CTNNA3: variants seen among roughly 807,000 people sequenced by gnomAD.
CTNNA3 encodes the protein catenin alpha 3, also known as catenin alpha-3.
A neutral mutation model predicts 95.7 loss-of-function variants in CTNNA3; 76 were observed. That is an observed-to-expected ratio of 0.79 (90% CI 0.66 to 0.96). The LOEUF is 0.96. Ranked by LOEUF, CTNNA3 falls within the 40% of genes least tolerant of loss-of-function variation. The probability of loss-of-function intolerance (pLI) is 0.00; values close to 1 mark genes in which losing one functional copy is unlikely to be tolerated. For synonymous variants in CTNNA3, 431 were observed against 374.4 expected, an observed-to-expected ratio of 1.15 and a Z score of -1.74; for missense variants, 1,191 against 1,089.8, an observed-to-expected ratio of 1.09 and a Z score of -1.31.
chr10:67,708,503 T>C (rs1312619692), intron 1 of CTNNA3, among the ~76,000 whole-genome samples: 1 of 152,186 alleles, frequency 6.6e-6, no homozygotes, highest in Non-Finnish European at 1.5e-5. Context: ...TTTACTGTCA[T>C]TGAACCTTCT....
At chr10:65,944,579 G>A (rs865872368) in intron 17 of CTNNA3, among the ~76,000 whole-genome samples, 11 of 152,152 alleles carry the variant, frequency 7.2e-5, no homozygotes, top group Non-Finnish European at 1.2e-4. Context: ...GCCGCATCCC[G>A]TGTACATTGT....
intron 9 of CTNNA3, among the ~76,000 whole-genome samples, chr10:66,708,909 C>A (rs1422995503): frequency 2.6e-5 from 4 of 152,008 alleles, no homozygotes; most frequent in African/African-American, 4.8e-5. Context: ...GAAATATCAA[C>A]CGTTTTTTCT....
At chr10:66,114,757 T>A (rs11818571) in intron 13 of CTNNA3, among the ~76,000 whole-genome samples, 15,325 of 151,396 alleles carry the variant, frequency 0.1, 996 homozygotes, top group African/African-American at 0.18. Flanking sequence ...CACGTGCCTG[T>A]AATCCCAGCT....
At chr10:67,742,877 T>C (rs1485349837) in intron 1 of CTNNA3, among the ~76,000 whole-genome samples, 1 of 151,282 alleles carries the variant, frequency 6.6e-6, no homozygotes, top group African/African-American at 2.4e-5. Flanking sequence ...TAAACACCTC[T>C]ACACAAATAA....
rs1255219895 is a variant in CTNNA3 at position 67,745,178 on chromosome 10, C to A, written c.-2+18256G>T. On this transcript the variant is annotated intron_variant, in intron 1 of 17. Coordinates refer to the CTNNA3 transcript ENST00000684154. ...TACTGGGTATATACCCAAAGGATTA[C>A]AAATCATGCTGCTATAAAGACACAT... is the stretch of plus-strand genomic sequence containing the variant. Among the ~76,000 whole-genome samples, 5 of 151,970 alleles carry A rather than the reference C, an allele frequency of 3.3e-5. No homozygotes were observed. The South Asian group carries it at 1.0e-3, about 32-fold the overall frequency.
intron 13 of CTNNA3, among the ~76,000 whole-genome samples, chr10:66,116,846 G>T (rs2082361823): frequency 6.6e-6 from 1 of 152,036 alleles, no homozygotes. Flanking sequence ...AGGGGGAAGC[G>T]CTGCACACTT....
intron 15 of CTNNA3, among the ~76,000 whole-genome samples, chr10:66,010,532 A>G (rs2078985877): frequency 6.6e-6 from 1 of 152,206 alleles, no homozygotes; most frequent in Non-Finnish European, 1.5e-5. Flanking sequence ...AAACATAGCT[A>G]TTATTTTAGA....
chr10:66,214,858 A>G (rs1255428940), intron 13 of CTNNA3, among the ~76,000 whole-genome samples: 2 of 151,938 alleles, frequency 1.3e-5, no homozygotes, highest in Non-Finnish European at 2.9e-5. Flanking sequence ...GGTAGAGGAG[A>G]CTCTCAGTAT....
chr10:66,896,105 TATAAA>T (rs761013061), intron 7 of CTNNA3, among the ~76,000 whole-genome samples: 10 of 151,748 alleles, frequency 6.6e-5, no homozygotes, highest in African/African-American at 2.4e-4. Context: ...CTCAAAAAAA[TATAAA>T]ATAAAATAAA....
At chr10:67,489,805 T>TATATATATATATATATATATATATAC (rs927605119) in intron 5 of CTNNA3, among the ~76,000 whole-genome samples, 70 of 148,932 alleles carry the variant, frequency 4.7e-4, no homozygotes, top group African/African-American at 1.6e-3. Flanking sequence ...TATATATATA[T>TATATATATATATATATATATATATAC]ACACACATTA....
chr10:66,608,187 C>T (rs986270170), intron 10 of CTNNA3, among the ~76,000 whole-genome samples: 3 of 152,102 alleles, frequency 2.0e-5, no homozygotes, highest in Non-Finnish European at 4.4e-5. Context: ...GAAATGCAAT[C>T]CCATCCACAA....
rs375633891 is a variant in CTNNA3, at chr10:66,920,511, A to G, written c.1048-144987T>C. Among the ~76,000 whole-genome samples the G allele has an allele frequency of 9.2e-5, 14 of 152,308 alleles. No homozygotes were observed. The East Asian group carries it at 1.7e-3, about 19-fold the overall frequency. ...CAAAGATGTTGCCTCTGTCTAGTTC[A>G]TTTGAATGGAAATCCATTTGCTATT... On this transcript the variant is annotated intron_variant, in intron 7 of 17. Transcript: ENST00000433211.
chr10:66,366,813 C>A (rs1056142950), intron 12 of CTNNA3, among the ~76,000 whole-genome samples: 4 of 152,038 alleles, frequency 2.6e-5, no homozygotes, highest in Non-Finnish European at 1.5e-5. Flanking sequence ...CTAATGCAAC[C>A]ACTTGCTTAA....
At chr10:66,423,338 T>C (rs1034381750) in intron 11 of CTNNA3, among the ~76,000 whole-genome samples, 2 of 152,138 alleles carry the variant, frequency 1.3e-5, no homozygotes, top group African/African-American at 4.8e-5. Flanking sequence ...TTATATCGTA[T>C]TTAGTCTTAA....
intron 13 of CTNNA3, among the ~76,000 whole-genome samples, chr10:66,161,195 G>A (rs1457448421): frequency 1.3e-5 from 2 of 152,144 alleles, no homozygotes; most frequent in African/African-American, 4.8e-5. Context: ...GTATTGAAAT[G>A]TGAGGTACCT....
At chr10:67,481,704 G>T (rs13313134) in intron 5 of CTNNA3, among the ~76,000 whole-genome samples, 10,396 of 152,170 alleles carry the variant, frequency 0.068, 429 homozygotes, top group South Asian at 0.14. Flanking sequence ...TAGGTTGCCT[G>T]TTCACTCTGA....
intron 7 of CTNNA3, among the ~76,000 whole-genome samples, chr10:66,843,301 G>A (rs544355936): frequency 1.5e-4 from 23 of 152,034 alleles, no homozygotes; most frequent in Non-Finnish European, 3.4e-4. Context: ...TCACTCCAAA[G>A]GCAAACTGCA....
chr10:65,933,779 T>C (rs2077291451), intron 17 of CTNNA3, among the ~76,000 whole-genome samples: 1 of 152,184 alleles, frequency 6.6e-6, no homozygotes, highest in African/African-American at 2.4e-5. Flanking sequence ...AGACACTATT[T>C]GCCCATTTTT....
intron 1 of CTNNA3, among the ~76,000 whole-genome samples, chr10:67,727,033 A>G (rs1381810371): frequency 8.6e-6 from 1 of 116,712 alleles, no homozygotes; most frequent in South Asian, 2.4e-4. Flanking sequence ...AATTATATAT[A>G]ATATATGATA....
Sources: gnomAD v4.1 joint callset for allele counts (sites outside exome capture counted in the v4.1 genomes callset) on GRCh38, gnomAD v4.1.1 for gene constraint, MANE v1.5 for transcripts, NCBI Gene and HGNC (gene_info 2026-07-23, HGNC 2026-07-21) for gene names.